ANXA8: variants seen among roughly 807,000 people sequenced by gnomAD.
ANXA8 encodes annexin A8, also known as VAC-beta.
ANXA8 carries 9 observed loss-of-function variants against 26.8 expected under a neutral mutation model. The ratio of observed to expected loss-of-function variants is 0.34; its 90% CI spans 0.20 to 0.59. The LOEUF is 0.59. ANXA8 is among the 20% of genes least tolerant of loss of function. ANXA8 has a pLI of 0.84. For synonymous variants in ANXA8, 39 were observed against 94.8 expected (o/e 0.41, Z 3.42); for missense variants, 83 against 238.5 (o/e 0.35, Z 4.29).
chr10:47,673,640 T>C, the ANXA8 span, among the ~76,000 whole-genome samples: 1 of 151,802 alleles, frequency 6.6e-6, no homozygotes, highest in East Asian at 1.9e-4. Context: ...AATGCAGAGA[T>C]AGAGTTCCTA....
At chr10:47,957,243 G>C in the ANXA8 span, among the ~76,000 whole-genome samples, 37 of 150,490 alleles carry the variant, frequency 2.5e-4, no homozygotes, top group African/African-American at 6.9e-4. Context: ...TGAGCCTGAG[G>C]ATGGACCAAC....
chr10:47,680,704 T>TA, the ANXA8 span, among the ~76,000 whole-genome samples: 23 of 151,648 alleles, frequency 1.5e-4, no homozygotes, highest in Admixed American at 3.9e-4. Context: ...AAAAATAAAT[T>TA]AAAAAAAAAT....
upstream of ANXA8, chr10:47,487,161 C>G (rs1234137025): frequency 1.2e-5 from 15 of 1,253,280 alleles, no homozygotes; most frequent in Middle Eastern, 2.8e-4. Context: ...GTTATGTCAA[C>G]AAGAAAATAC....
chr10:47,727,031 T>G, the ANXA8 span: 1 of 1,117,102 alleles, frequency 9.0e-7, no homozygotes, highest in Non-Finnish European at 1.4e-6. Context: ...GAAAGAGCAC[T>G]GTACTTTAAA....
chr10:47,694,232 T>C, the ANXA8 span, among the ~76,000 whole-genome samples: 4 of 151,422 alleles, frequency 2.6e-5, no homozygotes, highest in African/African-American at 9.7e-5. Context: ...TTTTTGTCTT[T>C]TTAAGAAAAA....
the ANXA8 span, among the ~76,000 whole-genome samples, chr10:47,707,335 C>T: frequency 2.1e-5 from 3 of 142,746 alleles, no homozygotes; most frequent in African/African-American, 4.9e-5. Context: ...ATGAAGCCCT[C>T]GAGCAATTGC....
At chr10:47,521,009 TTCA>T in the ANXA8 span, among the ~76,000 whole-genome samples, 2 of 108,154 alleles carry the variant, frequency 1.8e-5, no homozygotes, top group African/African-American at 4.3e-5. Flanking sequence ...AAAAAGTAAA[TTCA>T]TCATATCTGT....
the ANXA8 span, among the ~76,000 whole-genome samples, chr10:47,610,676 C>T: frequency 6.7e-6 from 1 of 149,536 alleles, no homozygotes; most frequent in Non-Finnish European, 1.5e-5. Flanking sequence ...GTTGACTATA[C>T]CTGTGGCAGA....
the ANXA8 span, among the ~76,000 whole-genome samples, chr10:47,971,431 A>G: frequency 6.8e-6 from 1 of 146,962 alleles, no homozygotes; most frequent in Non-Finnish European, 1.5e-5. Flanking sequence ...AAATCACAAA[A>G]ACCTTATGCA....
the ANXA8 span, among the ~76,000 whole-genome samples, chr10:47,735,821 T>C: frequency 6.6e-6 from 1 of 150,848 alleles, no homozygotes; most frequent in African/African-American, 2.4e-5. Flanking sequence ...TTTGTATTTT[T>C]TGTAGAGACA....
At chr10:47,510,935 AATTT>A in the ANXA8 span, among the ~76,000 whole-genome samples, 275 of 113,216 alleles carry the variant, frequency 2.4e-3, 5 homozygotes, top group African/African-American at 7.7e-3. Context: ...TTAATTAATT[AATTT>A]ATTTATTTAT....
chr10:47,715,996 C>T, the ANXA8 span: 18 of 1,253,768 alleles, frequency 1.4e-5, no homozygotes, highest in East Asian at 1.1e-4. Context: ...TGATTCTCCC[C>T]GCTCAGCCTT....
At chr10:47,625,715 TTG>T in the ANXA8 span, among the ~76,000 whole-genome samples, 2 of 151,986 alleles carry the variant, frequency 1.3e-5, no homozygotes, top group Admixed American at 6.5e-5. Flanking sequence ...TTACTATATT[TTG>T]TGTGTGTGGT....
chr10:47,659,056 AG>A, the ANXA8 span, among the ~76,000 whole-genome samples: 1 of 151,622 alleles, frequency 6.6e-6, no homozygotes, highest in Non-Finnish European at 1.5e-5. Flanking sequence ...TATTTTTAGT[AG>A]AGATGGGGTT....
At chr10:47,672,141 A>G in the ANXA8 span, among the ~76,000 whole-genome samples, 1 of 150,380 alleles carries the variant, frequency 6.6e-6, no homozygotes, top group South Asian at 2.1e-4. Context: ...CTGTTTCCAG[A>G]TGCCATTTGG....
At chr10:47,631,335 G>A in the ANXA8 span, among the ~76,000 whole-genome samples, 1 of 151,974 alleles carries the variant, frequency 6.6e-6, no homozygotes, top group Admixed American at 6.5e-5. Context: ...AGTATATCTG[G>A]TAAGTAAGAG....
At chr10:47,639,520 G>A in the ANXA8 span, among the ~76,000 whole-genome samples, 1 of 152,252 alleles carries the variant, frequency 6.6e-6, no homozygotes, top group Non-Finnish European at 1.5e-5. Context: ...GTTTCACCGT[G>A]TTCGCCAGGA....
At chr10:47,650,576 G>A in the ANXA8 span, among the ~76,000 whole-genome samples, 9 of 148,518 alleles carry the variant, frequency 6.1e-5, no homozygotes, top group South Asian at 4.3e-4. Context: ...GGAGGCCAAG[G>A]TGGGCGGATC....
the ANXA8 span, chr10:47,920,962 CG>C: frequency 9.7e-6 from 1 of 102,646 alleles, no homozygotes; most frequent in African/African-American, 3.7e-5. Context: ...GGCACTAACA[CG>C]GGGGAACTCT....
Sources: gnomAD v4.1 joint callset for allele counts (sites outside exome capture counted in the v4.1 genomes callset) on GRCh38, gnomAD v4.1.1 for gene constraint, MANE v1.5 for transcripts, NCBI Gene and HGNC (gene_info 2026-07-23, HGNC 2026-07-21) for gene names.